The following FBXL2 variants were observed in gnomAD, a reference collection of about 807,000 sequenced individuals.
The protein encoded by FBXL2 is F-box and leucine rich repeat protein 2.
Under a neutral mutation model 69.2 loss-of-function variants are expected in FBXL2, and 38 were observed. The ratio of observed to expected loss-of-function variants is 0.55; its 90% confidence interval spans 0.42 to 0.72. The LOEUF is 0.72. Ranked by LOEUF, FBXL2 falls within the 30% of genes least tolerant of loss-of-function variation. The pLI is 0.00. For missense variants in FBXL2, 354 were observed against 520.3 expected (o/e 0.68, Z 3.11); for synonymous variants, 192 against 201.3 (o/e 0.95, Z 0.39).
rs1324473042 is a variant in FBXL2, at chr3:33,359,038, A to AT, written c.120+23dup. On this transcript the variant is annotated intron_variant, in intron 3 of 14. Transcript: ENST00000484457. ...ATTTCCAAGGTAGAGTATTCACCAG[A>AT]TTTTTTAATCAATAAATATCAAGTT... The AT allele has an allele frequency of 3.4e-6, 5 of 1,488,726 alleles. No individual in the cohort carries two copies. The highest frequency in any genetic ancestry group is 4.5e-6 in the Non-Finnish European group (5 of 1,104,726). 92.2% of individuals were successfully genotyped at this position (1,488,726 alleles called of 1,614,324 possible). A position where few individuals can be genotyped will look rare whatever the true frequency, so the allele number is the denominator to read the frequency against.
chr3:33,358,908 A>G lies in FBXL2; in HGVS notation c.66-59A>G, dbSNP rs1416300522. On this transcript the variant is annotated intron_variant, in intron 2 of 14. Transcript: ENST00000484457. Reference sequence around the variant, plus strand: ...CGGATTAGAGTTTATCTTTCAAGTTATAATTATCCTGAAATGTTAACACCA... The same window carrying G: ...CGGATTAGAGTTTATCTTTCAAGTTGTAATTATCCTGAAATGTTAACACCA... The G allele has an allele frequency of 3.6e-6, 4 of 1,106,096 alleles. No homozygotes were observed. In the South Asian group the frequency reaches 7.1e-5, roughly 20 times the overall value. 68.5% of individuals were successfully genotyped at this position (1,106,096 alleles called of 1,614,324 possible).
chr3:33,310,203 G>T (rs1159535969), intron 2 of FBXL2, among the ~76,000 whole-genome samples: 3 of 152,064 alleles, frequency 2.0e-5, no homozygotes, highest in Admixed American at 2.0e-4. Context: ...CTAGGCTGGA[G>T]TGCAGTGGTG....
intron 2 of FBXL2, among the ~76,000 whole-genome samples, chr3:33,311,872 C>T (rs749249740): frequency 5.9e-5 from 9 of 152,132 alleles, no homozygotes; most frequent in Non-Finnish European, 1.2e-4. Context: ...GATCCCTCGC[C>T]TTGGCCTCCC....
At position 33,386,836 on chromosome 3, in the gene FBXL2, A is replaced by C. The variant is rs983303491; in HGVS notation, c.*1228A>C. Reference sequence around the variant, plus strand: ...ATCAGTCATCACCACCTTCATTGTAAACTTAGGTGTTCATGGTGGCTGGCC... The same window carrying C: ...ATCAGTCATCACCACCTTCATTGTACACTTAGGTGTTCATGGTGGCTGGCC... On this transcript the variant is annotated 3_prime_UTR_variant, in exon 15 of 15. Transcript: ENST00000484457. 6.6e-6 allele frequency: 1 copy of C among 152,080 alleles called. No individual in the cohort carries two copies. The highest frequency in any genetic ancestry group is 2.4e-5 in the African/African-American group (1 of 41,404). 9.4% of individuals were successfully genotyped at this position (152,080 alleles called of 1,614,324 possible). A position where few individuals can be genotyped will look rare whatever the true frequency, so the allele number is the denominator to read the frequency against.
intron 2 of FBXL2, among the ~76,000 whole-genome samples, chr3:33,336,904 A>AAAAC (rs137929430): frequency 0.052 from 7,848 of 150,004 alleles, 284 homozygotes; most frequent in African/African-American, 0.09. Flanking sequence ...ACTCTGTCTC[A>AAAAC]AAACAAACAA....
At chr3:33,412,173 C>A in the FBXL2 span, among the ~76,000 whole-genome samples, 2 of 125,700 alleles carry the variant, frequency 1.6e-5, no homozygotes, top group Non-Finnish European at 3.2e-5. Context: ...GGCAACAGAG[C>A]GAAACTCCGT....
chr3:33,302,191 A>G (rs1394078662), intron 2 of FBXL2, among the ~76,000 whole-genome samples: 13 of 152,210 alleles, frequency 8.5e-5, no homozygotes, highest in African/African-American at 3.1e-4. Flanking sequence ...ATCTCAGTAA[A>G]GTACCTGATT....
the FBXL2 span, chr3:33,412,906 TAA>T: frequency 1.1e-6 from 1 of 926,800 alleles, no homozygotes; most frequent in Non-Finnish European, 1.8e-6. Context: ...TCTTATGTGT[TAA>T]CCTGTAGCAG....
At chr3:33,339,866 T>C (rs1022316150) in intron 2 of FBXL2, among the ~76,000 whole-genome samples, 2 of 152,164 alleles carry the variant, frequency 1.3e-5, no homozygotes, top group Non-Finnish European at 2.9e-5. Flanking sequence ...TAGCTAAAAG[T>C]TAGAAACAAC....
intron 14 of FBXL2, 33 bp from the exon 15 acceptor site, chr3:33,385,468 G>A (rs2043366251): frequency 9.0e-6 from 14 of 1,549,450 alleles, no homozygotes; most frequent in Non-Finnish European, 1.2e-5. Flanking sequence ...ATAGTAATGT[G>A]TAAAGACTCC....
chr3:33,287,216 G>T (rs1295451406), intron 1 of FBXL2, among the ~76,000 whole-genome samples: 3 of 152,152 alleles, frequency 2.0e-5, no homozygotes, highest in Admixed American at 6.5e-5. Flanking sequence ...GTCATTATAT[G>T]ACACAGTTAA....
intron 2 of FBXL2, among the ~76,000 whole-genome samples, chr3:33,323,661 G>A (rs576414792): frequency 7.2e-4 from 109 of 152,284 alleles, no homozygotes; most frequent in African/African-American, 2.5e-3. Context: ...TGGCTGCATA[G>A]TATCCCATGG....
chr3:33,340,828 G>GT (rs1356851412), intron 2 of FBXL2, among the ~76,000 whole-genome samples: 1 of 147,586 alleles, frequency 6.8e-6, no homozygotes, highest in Non-Finnish European at 1.5e-5. Flanking sequence ...GGAGATGGAG[G>GT]TTGCAGTGAG....
At chr3:33,340,853 C>T (rs1290835033) in intron 2 of FBXL2, among the ~76,000 whole-genome samples, 3 of 142,618 alleles carry the variant, frequency 2.1e-5, no homozygotes, top group Non-Finnish European at 4.5e-5. Flanking sequence ...GATTGTGTGC[C>T]ACTGCACTCC....
chr3:33,297,528 G>C (rs1176395786), intron 1 of FBXL2, 136 bp from the exon 2 acceptor site: 5 of 590,870 alleles, frequency 8.5e-6, no homozygotes, highest in Non-Finnish European at 1.5e-5. Context: ...GAATATGGTG[G>C]CTGCATGAAA....
At chr3:33,342,711 CTTTTTTTT>C (rs71070130) in intron 2 of FBXL2, among the ~76,000 whole-genome samples, 42 of 37,904 alleles carry the variant, frequency 1.1e-3, no homozygotes, top group Admixed American at 1.4e-3. Context: ...AATATAACTT[CTTTTTTTT>C]TTTTTTTTTT....
At chr3:33,352,666 TGG>T (rs1331264949) in intron 2 of FBXL2, among the ~76,000 whole-genome samples, 1 of 152,050 alleles carries the variant, frequency 6.6e-6, no homozygotes, top group African/African-American at 2.4e-5. Context: ...GAGGCCAAGG[TGG>T]GCAGATCACT....
intron 1 of FBXL2, chr3:33,278,209 C>G (rs1195822943): frequency 6.6e-6 from 1 of 152,180 alleles, no homozygotes; most frequent in Non-Finnish European, 1.5e-5. Context: ...ACACCTGGCC[C>G]CCTTTAAGCT....
chr3:33,328,221 G>A (rs1201859056), intron 2 of FBXL2, among the ~76,000 whole-genome samples: 2 of 152,024 alleles, frequency 1.3e-5, no homozygotes, highest in East Asian at 3.8e-4. Context: ...AAAATGGAAA[G>A]ACATCCCATG....
Sources: gnomAD v4.1 joint callset for allele counts (sites outside exome capture counted in the v4.1 genomes callset) on GRCh38, gnomAD v4.1.1 for gene constraint, MANE v1.5 for transcripts, NCBI Gene and HGNC (gene_info 2026-07-23, HGNC 2026-07-21) for gene names.